The following GTF2A2 variants were observed in gnomAD, a reference collection of about 807,000 sequenced individuals.
GTF2A2 encodes the protein general transcription factor IIA subunit 2.
A neutral mutation model predicts 14.3 loss-of-function variants in GTF2A2; 9 were observed. That is an observed-to-expected ratio of 0.63 (90% confidence interval 0.38 to 1.10). The LOEUF is 1.10. Among genes scored for constraint, GTF2A2 ranks in the 50% least tolerant of loss-of-function variants. GTF2A2 has a pLI of 0.01. For synonymous variants in GTF2A2, 56 were observed against 46.0 expected, an observed-to-expected ratio of 1.22 and a Z score of -0.88; for missense variants, 90 against 124.6, an observed-to-expected ratio of 0.72 and a Z score of 1.32.
chr15:59,644,964 T>C (rs529307172), intron 3 of GTF2A2, among the ~76,000 whole-genome samples: 1 of 152,278 alleles, frequency 6.6e-6, no homozygotes, highest in South Asian at 2.1e-4. Context: ...TAAGACCAAC[T>C]ATGAAGCTGA....
chr15:59,648,550 A>T (rs1891687726), intron 3 of GTF2A2, among the ~76,000 whole-genome samples: 1 of 152,166 alleles, frequency 6.6e-6, no homozygotes, highest in African/African-American at 2.4e-5. Context: ...CATATAAATG[A>T]TTAAAACCTT....
At position 59,638,990 on chromosome 15, in the gene GTF2A2, A is replaced by C. The variant is rs1000315430; in HGVS notation, c.*142T>G. 3 of 636,602 alleles carry C rather than the reference A, an allele frequency of 4.7e-6. No homozygotes were observed. Among genetic ancestry groups the C allele is most frequent in the South Asian group, 1.7e-5 (1 of 58,220 alleles). 39.4% of individuals were successfully genotyped at this position (636,602 alleles called of 1,614,324 possible). ...TGATGTAAGAGGCTACAGAGTTACA[A>C]GTTTCTTTCTACTGGAATTCTCTGG... On this transcript the variant is annotated 3_prime_UTR_variant, in exon 5 of 5. Coordinates refer to ENST00000396060, the MANE Select transcript of GTF2A2 (RefSeq NM_004492.3).
chr15:59,652,482 G>A (rs1295208564), intron 1 of GTF2A2, among the ~76,000 whole-genome samples, 156 bp from the exon 2 acceptor site: 4 of 152,034 alleles, frequency 2.6e-5, no homozygotes, highest in Non-Finnish European at 5.9e-5. Flanking sequence ...ACAAGGAATT[G>A]CTACAAATGA....
At chr15:59,644,355 A>T (rs1441730114) in intron 3 of GTF2A2, 1 of 152,234 alleles carries the variant, frequency 6.6e-6, no homozygotes, top group Admixed American at 6.5e-5. Context: ...CAAGCATGAA[A>T]ATGCTGCTTG....
chr15:59,653,351 G>T (rs1355154744), intron 1 of GTF2A2, among the ~76,000 whole-genome samples: 1 of 152,108 alleles, frequency 6.6e-6, no homozygotes, highest in Non-Finnish European at 1.5e-5. Flanking sequence ...TACATTTGAG[G>T]AGCAATCATC....
chr15:59,652,079 G>A lies in GTF2A2; in HGVS notation c.72+127C>T, dbSNP rs1265049641. 1.3e-5 allele frequency: 8 copies of A among 628,516 alleles called. No homozygotes were observed. In the African/African-American group the frequency reaches 1.3e-4, roughly 10 times the overall value. The allele number at this position is 628,516 out of a possible 1,614,324, so 38.9% of individuals were successfully genotyped here. On this transcript the variant is annotated intron_variant, in intron 2 of 4. Coordinates refer to ENST00000396060, the MANE Select transcript of GTF2A2 (RefSeq NM_004492.3). The stretch of plus-strand genomic sequence containing the variant: ...AAGAATTTGAGGTAATTTAATCAGT[G>A]TTACTGACTTGCTGGGTCAAATAGT...
chr15:59,641,848 AAC>A lies in GTF2A2; in HGVS notation c.304+286_304+287del, dbSNP rs1205242876. ...TAAAAGGTGTCTGAAAAGCCTGATA[AAC>A]ACTTAAAATTTGTAATGGAAATAGG... On this transcript the variant is annotated intron_variant, in intron 4 of 4. Transcript: ENST00000396060. Among the ~76,000 whole-genome samples, 3 of 152,350 alleles carry A rather than the reference AAC, an allele frequency of 2.0e-5. No individual in the cohort carries two copies. The East Asian group carries it at 5.8e-4, about 29-fold the overall frequency.
chr15:59,644,852 G>A (rs1393494827), intron 3 of GTF2A2, among the ~76,000 whole-genome samples: 4 of 152,182 alleles, frequency 2.6e-5, no homozygotes, highest in East Asian at 1.9e-4. Flanking sequence ...CCATCCTAAC[G>A]GTACTGGGAA....
intron 3 of GTF2A2, among the ~76,000 whole-genome samples, chr15:59,649,033 G>C (rs1891708942): frequency 1.3e-5 from 2 of 152,144 alleles, no homozygotes; most frequent in East Asian, 3.8e-4. Flanking sequence ...TCATTGCTAG[G>C]TCAGCAAATT....
intron 1 of GTF2A2, among the ~76,000 whole-genome samples, chr15:59,654,696 T>G (rs928336120): frequency 6.6e-6 from 1 of 152,230 alleles, no homozygotes; most frequent in East Asian, 1.9e-4. Context: ...ATTAGAAATG[T>G]ATCTGAGTAT....
intron 1 of GTF2A2, among the ~76,000 whole-genome samples, chr15:59,652,692 C>T (rs1353434691): frequency 6.6e-6 from 1 of 152,124 alleles, no homozygotes; most frequent in Admixed American, 6.5e-5. Context: ...TGCATGTCTG[C>T]CCCTTTATTT....
chr15:59,641,200 T>TTTA (rs1246519532), intron 4 of GTF2A2, among the ~76,000 whole-genome samples: 2 of 91,804 alleles, frequency 2.2e-5, no homozygotes, highest in African/African-American at 8.1e-5. Context: ...TTTTTTTTTT[T>TTTA]AAGGCTTAAG....
chr15:59,653,575 C>G (rs779262838), intron 1 of GTF2A2, among the ~76,000 whole-genome samples: 3 of 151,148 alleles, frequency 2.0e-5, no homozygotes, highest in East Asian at 2.0e-4. Flanking sequence ...TTGAACTGCC[C>G]TAAGTTTTCT....
chr15:59,650,641 G>C, intron 3 of GTF2A2, 28 bp downstream of exon 3: 1 of 1,235,146 alleles, frequency 8.1e-7, no homozygotes, highest in South Asian at 1.2e-5. Context: ...ATTGGTACAG[G>C]CTTCTAGATT....
At chr15:59,639,762 T>G (rs189503147) in intron 4 of GTF2A2, among the ~76,000 whole-genome samples, 108 of 151,304 alleles carry the variant, frequency 7.1e-4, no homozygotes, top group African/African-American at 2.3e-3. Context: ...CTGGCAATTT[T>G]TTTTTAAAGA....
At chr15:59,648,590 A>G (rs746689474) in intron 3 of GTF2A2, among the ~76,000 whole-genome samples, 6 of 152,152 alleles carry the variant, frequency 3.9e-5, no homozygotes, top group Non-Finnish European at 4.4e-5. Context: ...ATTTTCTCCT[A>G]TAACACTCTA....
Position 59,652,311 on chromosome 15 carries a change from A to AATTCAAATTGATTCAAATTCAAATCAAT in GTF2A2, c.-35_-34insATTGATTTGAATTTGAATCAATTTGAAT. Reference sequence around the variant, plus strand: ...AGGAAGAATTTGTTTTTCTTATTCAAGCTTGCATTGATGTCCTAAAAATTT... The same window carrying AATTCAAATTGATTCAAATTCAAATCAAT: ...AGGAAGAATTTGTTTTTCTTATTCAAATTCAAATTGATTCAAATTCAAATCAATGCTTGCATTGATGTCCTAAAAATTT... On this transcript the variant is annotated 5_prime_UTR_variant, in exon 2 of 5. An upstream open reading frame in the 5' UTR loses its in-frame stop. Transcript: ENST00000396060. 1.6e-6 allele frequency: 2 copies of AATTCAAATTGATTCAAATTCAAATCAAT among 1,216,438 alleles called. No individual in the cohort carries two copies. The highest frequency in any genetic ancestry group is 2.4e-6 in the Non-Finnish European group (2 of 836,334). 75.4% of individuals were successfully genotyped at this position (1,216,438 alleles called of 1,614,324 possible).
chr15:59,644,621 A>G (rs1290779768), intron 3 of GTF2A2, among the ~76,000 whole-genome samples: 1 of 152,246 alleles, frequency 6.6e-6, no homozygotes, highest in Non-Finnish European at 1.5e-5. Context: ...ACTGGGTACA[A>G]TGAGAGTACA....
chr15:59,645,034 T>C (rs555851317), intron 3 of GTF2A2, among the ~76,000 whole-genome samples: 1 of 152,182 alleles, frequency 6.6e-6, no homozygotes, highest in South Asian at 2.1e-4. Flanking sequence ...AATAGTATAG[T>C]AAAGGGATCA....
Sources: allele counts gnomAD v4.1 joint callset (sites outside exome capture counted in the v4.1 genomes callset), GRCh38; gene constraint gnomAD v4.1.1; transcripts MANE v1.5; gene names NCBI Gene and HGNC (gene_info 2026-07-23, HGNC 2026-07-21).